Variants in TSC1 observed in about 807,000 individuals in gnomAD.
TSC1 encodes TSC complex subunit 1.
TSC1 carries 20 observed loss-of-function variants against 124.3 expected under a neutral mutation model. That is an observed-to-expected ratio of 0.16 (90% CI 0.11 to 0.23). TSC1 has a LOEUF of 0.23. TSC1 is among the 10% of genes least tolerant of loss of function. TSC1 has a pLI of 1.00. For missense variants in TSC1, 1,124 were observed against 1,448.5 expected (o/e 0.78, Z 3.64); for synonymous variants, 493 against 539.1 (o/e 0.91, Z 1.19).
chr9:132,928,852 G>C lies in TSC1; in HGVS notation c.21C>G (p.Val7=), dbSNP rs145987906. Reference sequence around the variant, plus strand: ...AGTCCAGCATGGCAAGAAGCTCCCCGACATTTGCTTGTTGGGCCATTCTCT... The same window carrying C: ...AGTCCAGCATGGCAAGAAGCTCCCCCACATTTGCTTGTTGGGCCATTCTCT... MAQQAN[V]GELLAMLDSP... Residue 7 remains valine, a synonymous_variant, in exon 3 of 23, where the codon GTC becomes GTG. Coordinates refer to ENST00000298552, the MANE Select transcript of TSC1 (RefSeq NM_000368.5). 2.7e-5 allele frequency: 43 copies of C among 1,614,154 alleles called. No individual in the cohort carries two copies. In the African/African-American group the frequency reaches 5.6e-4, roughly 21 times the overall value.
intron 8 of TSC1, among the ~76,000 whole-genome samples, chr9:132,915,215 C>T (rs372361542): frequency 6.3e-4 from 95 of 151,966 alleles, no homozygotes; most frequent in Admixed American, 2.0e-3. Flanking sequence ...ATGCTTTCCA[C>T]GTGCCTGTAC....
intron 8 of TSC1, among the ~76,000 whole-genome samples, chr9:132,914,485 AT>A (rs981421667): frequency 6.6e-6 from 1 of 152,116 alleles, no homozygotes; most frequent in African/African-American, 2.4e-5. Context: ...CTTTATTATG[AT>A]TGGGATTTTT....
chr9:132,943,507 A>G (rs1847858648), intron 1 of TSC1: 1 of 152,232 alleles, frequency 6.6e-6, no homozygotes, highest in Non-Finnish European at 1.5e-5. Context: ...TTTAAGAGTC[A>G]TATCTTTGGA....
At chr9:132,918,517 A>G (rs1473219403) in intron 8 of TSC1, among the ~76,000 whole-genome samples, 2 of 152,200 alleles carry the variant, frequency 1.3e-5, no homozygotes, top group African/African-American at 4.8e-5. Flanking sequence ...TTCTCTATAG[A>G]GAATAAAACA....
rs551944711 is a variant in TSC1, at chr9:132,893,405, A to G, written c.*2830T>C. On this transcript the variant is annotated 3_prime_UTR_variant, in exon 23 of 23. Transcript: ENST00000298552. ...CATAATAACAATTTTTATAGACTGT[A>G]TAGCAGAGCCTTGTCAACGGCTTTT... 10 of 233,244 alleles carry G rather than the reference A, an allele frequency of 4.3e-5. No individual in the cohort carries two copies. The South Asian group carries it at 1.8e-3, about 42-fold the overall frequency. 14.4% of individuals were successfully genotyped at this position (233,244 alleles called of 1,614,324 possible). A position where few individuals can be genotyped will look rare whatever the true frequency, so the allele number is the denominator to read the frequency against.
intron 8 of TSC1, among the ~76,000 whole-genome samples, chr9:132,915,708 C>G (rs1335065470): frequency 2.0e-5 from 3 of 152,182 alleles, no homozygotes; most frequent in Non-Finnish European, 2.9e-5. Context: ...TTTACCTTAA[C>G]AAAGCATGTG....
At position 132,904,535 on chromosome 9, in the gene TSC1, T is replaced by G. The variant is rs1845556341; in HGVS notation, c.1998-81A>C. ...ATCTGGACTTTTATTTGCAGCAAAG[T>G]TAGATCACTTCCTTGTGGTCAAAAT... On this transcript the variant is annotated intron_variant, in intron 15 of 22. Coordinates refer to ENST00000298552, the MANE Select transcript of TSC1 (RefSeq NM_000368.5). 1.5e-6 allele frequency: 2 copies of G among 1,373,694 alleles called. No individual in the cohort carries two copies. The highest frequency in any genetic ancestry group is 2.1e-6 in the Non-Finnish European group (2 of 966,754). The allele number at this position is 1,373,694 out of a possible 1,614,324, so 85.1% of individuals were successfully genotyped here. A position where few individuals can be genotyped will look rare whatever the true frequency, so the allele number is the denominator to read the frequency against.
At chr9:132,917,565 C>G (rs1846330072) in intron 8 of TSC1, among the ~76,000 whole-genome samples, 1 of 152,144 alleles carries the variant, frequency 6.6e-6, no homozygotes, top group African/African-American at 2.4e-5. Flanking sequence ...CTCCTGACCT[C>G]AAGAGATCCT....
In TSC1 at chr9:132,891,542, G is replaced by A. The variant is rs1304692389; in HGVS notation, c.*4693C>T. ...GTTGACATGCTTTTAGGATTGAGGC[G>A]GGAAAGTTTAGACCTTTTGACAAGA... On this transcript the variant is annotated 3_prime_UTR_variant, in exon 23 of 23. Coordinates refer to ENST00000298552, the MANE Select transcript of TSC1 (RefSeq NM_000368.5). 2.6e-5 allele frequency: 6 copies of A among 233,126 alleles called. No individual in the cohort carries two copies. The highest frequency in any genetic ancestry group is 6.0e-5 in the East Asian group (1 of 16,536). The allele number at this position is 233,126 out of a possible 1,614,324, so 14.4% of individuals were successfully genotyped here. A position where few individuals can be genotyped will look rare whatever the true frequency, so the allele number is the denominator to read the frequency against.
chr9:132,914,487 T>C (rs965581580), intron 8 of TSC1, among the ~76,000 whole-genome samples: 3 of 152,162 alleles, frequency 2.0e-5, no homozygotes, highest in African/African-American at 7.2e-5. Flanking sequence ...TTATTATGAT[T>C]GGGATTTTTG....
rs876658671 is a variant in TSC1, at chr9:132,902,689, G to A, written c.2307C>T (p.Asp769=). ...ARYNQLQEQR[D]TMVTKLHSQI... The stretch of plus-strand genomic sequence containing the variant: ...GGCTGTGGAGCTTGGTTACCATAGT[G>A]TCACGCTGCTCCTGGAGCTGATTGT... Residue 769 remains aspartate (D), a synonymous_variant, in exon 18 of 23, where the codon GAC becomes GAT. Coordinates refer to ENST00000298552, the MANE Select transcript of TSC1 (RefSeq NM_000368.5). This position sits in a 1 kb window ranked among gnomAD's most constrained non-coding sequence, Gnocchi z 5.2. 2 of 1,614,068 alleles carry A rather than the reference G, an allele frequency of 1.2e-6. No homozygotes were observed. The highest frequency in any genetic ancestry group is 1.7e-6 in the Non-Finnish European group (2 of 1,180,036).
chr9:132,922,005 T>C (rs1478978958), intron 6 of TSC1, 32 bp from the exon 7 acceptor site: 1 of 1,613,850 alleles, frequency 6.2e-7, no homozygotes, highest in Non-Finnish European at 8.5e-7. Flanking sequence ...AAGAGCCTCT[T>C]AGTTGGAGAC....
In TSC1 at chr9:132,895,735, C is replaced by T. The variant is rs1274392666; in HGVS notation, c.*500G>A. On this transcript the variant is annotated 3_prime_UTR_variant, in exon 23 of 23. Transcript: ENST00000298552. ...AAGCAGTCGGAAAGTCTCATGTAAACGCTTTCATGTAAAGACAACCAGCTT... is the reference window on the plus strand; with the variant it reads ...AAGCAGTCGGAAAGTCTCATGTAAATGCTTTCATGTAAAGACAACCAGCTT... 4.1e-6 allele frequency: 1 copy of T among 246,220 alleles called. No homozygotes were observed. Among genetic ancestry groups the T allele is most frequent in the African/African-American group, 2.2e-5 (1 of 45,454 alleles). The allele number at this position is 246,220 out of a possible 1,614,324, so 15.3% of individuals were successfully genotyped here. A position where few individuals can be genotyped will look rare whatever the true frequency, so the allele number is the denominator to read the frequency against.
In TSC1 at chr9:132,902,428, C is replaced by T. The variant is rs761194373; in HGVS notation, c.2391+177G>A. Among the ~76,000 whole-genome samples, 18 of 152,154 alleles carry T rather than the reference C, an allele frequency of 1.2e-4. No individual in the cohort carries two copies. The highest frequency in any genetic ancestry group is 2.4e-4 in the Non-Finnish European group (16 of 68,026). ...ATATGAACCAACAAAGTTGGGGAACCTCTGTCCTAAGTAAGATTCACCTGC... is the reference window on the plus strand; with the variant it reads ...ATATGAACCAACAAAGTTGGGGAACTTCTGTCCTAAGTAAGATTCACCTGC... On this transcript the variant is annotated intron_variant, in intron 18 of 22. Coordinates refer to ENST00000298552, the MANE Select transcript of TSC1 (RefSeq NM_000368.5). The surrounding 1 kb of genome is among the most constrained non-coding windows in gnomAD (Gnocchi z 5.2).
At chr9:132,924,729 A>C (rs913804960) in intron 5 of TSC1, 3 of 152,248 alleles carry the variant, frequency 2.0e-5, no homozygotes, top group Non-Finnish European at 4.4e-5. Context: ...TTTAAAAAAC[A>C]TTAAGTTGTT....
At chr9:132,908,918 T>G (rs1339546863) in intron 12 of TSC1, among the ~76,000 whole-genome samples, 8 of 150,604 alleles carry the variant, frequency 5.3e-5, no homozygotes, top group Non-Finnish European at 1.0e-4. Flanking sequence ...TTTTTTTTTT[T>G]GTGACAGTCT....
At chr9:132,945,024 C>G (rs1469927601), upstream of TSC1, among the ~76,000 whole-genome samples, 4 of 152,040 alleles carry the variant, frequency 2.6e-5, no homozygotes, top group Non-Finnish European at 4.4e-5. Flanking sequence ...GGTTGGAGCG[C>G]CCTGCCCCTG....
intron 8 of TSC1, among the ~76,000 whole-genome samples, chr9:132,919,606 T>C (rs750315583): frequency 3.3e-5 from 5 of 152,128 alleles, no homozygotes; most frequent in Non-Finnish European, 7.4e-5. Flanking sequence ...AAACACTGCA[T>C]CCTTCCTCAA....
chr9:132,908,322 G>A (rs1455666011), intron 12 of TSC1, among the ~76,000 whole-genome samples: 6 of 152,102 alleles, frequency 3.9e-5, no homozygotes, highest in Non-Finnish European at 8.8e-5. Flanking sequence ...TTAATATATG[G>A]CTTCATGAAA....
Sources: gnomAD v4.1 joint callset for allele counts (sites outside exome capture counted in the v4.1 genomes callset) on GRCh38, gnomAD v4.1.1 for gene constraint, Gnocchi (gnomAD v3.1) non-coding constraint, MANE v1.5 for transcripts, NCBI Gene and HGNC (gene_info 2026-07-23, HGNC 2026-07-21) for gene names.